The following STPG2 variants were observed in gnomAD, a reference collection of about 807,000 sequenced individuals.
STPG2 encodes sperm tail PG-rich repeat containing 2.
A neutral mutation model predicts 54.2 loss-of-function variants in STPG2; 56 were observed. The ratio of observed to expected loss-of-function variants is 1.03; its 90% confidence interval spans 0.83 to 1.29. The LOEUF (loss-of-function observed/expected upper bound fraction) is 1.29, where lower values mean the gene tolerates loss of function less well. STPG2 is among the 50% of genes most tolerant of loss of function. STPG2 has a pLI of 0.00. For synonymous variants in STPG2, 200 were observed against 181.8 expected (o/e 1.10, Z -0.81); for missense variants, 596 against 544.9 (o/e 1.09, Z -0.93).
At chr4:97,610,363 G>A (rs1394701769) in intron 10 of STPG2, among the ~76,000 whole-genome samples, 2 of 151,992 alleles carry the variant, frequency 1.3e-5, no homozygotes, top group African/African-American at 2.4e-5. Flanking sequence ...GCTTTAATGA[G>A]TAACAACAGT....
At chr4:97,805,223 T>A (rs1039251415) in intron 9 of STPG2, among the ~76,000 whole-genome samples, 3 of 152,206 alleles carry the variant, frequency 2.0e-5, no homozygotes, top group Non-Finnish European at 4.4e-5. Context: ...TTACCTTTTT[T>A]TGAGATGGAG....
chr4:97,676,950 A>G (rs912335901), intron 10 of STPG2, among the ~76,000 whole-genome samples: 3 of 152,196 alleles, frequency 2.0e-5, no homozygotes, highest in Non-Finnish European at 4.4e-5. Context: ...TCAGAGAGTA[A>G]GAAGAGGCAG....
chr4:97,518,286 A>G (rs1731115300), intron 4 of STPG2, among the ~76,000 whole-genome samples: 1 of 152,134 alleles, frequency 6.6e-6, no homozygotes, highest in Non-Finnish European at 1.5e-5. Flanking sequence ...ATGACAGTGA[A>G]TAATTAAGAA....
At chr4:97,842,979 CTCTG>C (rs1728845622) in intron 8 of STPG2, among the ~76,000 whole-genome samples, 1 of 151,814 alleles carries the variant, frequency 6.6e-6, no homozygotes, top group Admixed American at 6.6e-5. Flanking sequence ...AAATCTGAAA[CTCTG>C]TCTAATAACA....
At position 97,543,395 on chromosome 4, in the gene STPG2, A is replaced by C. The variant is rs1009550985; in HGVS notation, c.462+169304T>G. 2.2e-4 allele frequency among the ~76,000 whole-genome samples: 34 copies of C among 152,032 alleles called. 1 individual carries two copies. Among genetic ancestry groups the C allele is most frequent in the African/African-American group, 7.5e-4 (31 of 41,558 alleles). On this transcript the variant is annotated intron_variant, in intron 4 of 4. Transcript: ENST00000522676. ...ATGGAGTCAATTTTCCTACCTAAGT[A>C]GCTTCTGCTTTAGCTCTGAGAATAT...
intron 8 of STPG2, among the ~76,000 whole-genome samples, chr4:97,857,744 A>G (rs1729380524): frequency 6.6e-6 from 1 of 152,122 alleles, no homozygotes; most frequent in Non-Finnish European, 1.5e-5. Context: ...GACCTTTCAG[A>G]CAGAAAATTC....
chr4:98,093,775 A>G (rs111322117), intron 5 of STPG2, among the ~76,000 whole-genome samples: 1,778 of 152,270 alleles, frequency 0.012, 29 homozygotes, highest in African/African-American at 0.041. Context: ...GGGACTTTAC[A>G]TTGAACTTGG....
At chr4:97,622,686 C>CA (rs1395406631) in intron 10 of STPG2, among the ~76,000 whole-genome samples, 3 of 151,944 alleles carry the variant, frequency 2.0e-5, no homozygotes, top group African/African-American at 7.3e-5. Context: ...ATGGCCATAC[C>CA]ACCCAAAGGA....
chr4:98,076,550 T>C (rs1257347032), intron 5 of STPG2, among the ~76,000 whole-genome samples: 1 of 152,216 alleles, frequency 6.6e-6, no homozygotes, highest in Non-Finnish European at 1.5e-5. Context: ...ATGTTGAGAT[T>C]GGTCATGTGT....
Position 98,021,802 on chromosome 4 carries a change from G to A in STPG2, c.613-40484C>T, listed in dbSNP as rs1736210014. ...TTCTTTGTCTCTTTTGATCTTTGTTGGTTTAAAGTCTCTTTTATCAGAGAC... is the reference window on the plus strand; with the variant it reads ...TTCTTTGTCTCTTTTGATCTTTGTTAGTTTAAAGTCTCTTTTATCAGAGAC... On this transcript the variant is annotated intron_variant, in intron 5 of 10. Transcript: ENST00000295268. Among the ~76,000 whole-genome samples, 5 of 151,786 alleles carry A rather than the reference G, an allele frequency of 3.3e-5. No individual in the cohort carries two copies. The South Asian group carries it at 8.4e-4, about 25-fold the overall frequency.
intron 10 of STPG2, among the ~76,000 whole-genome samples, chr4:97,652,265 A>C (rs2148954357): frequency 6.6e-6 from 1 of 152,064 alleles, no homozygotes; most frequent in African/African-American, 2.4e-5. Context: ...CATGTCCTAC[A>C]AATACACTTT....
intron 4 of STPG2, among the ~76,000 whole-genome samples, chr4:97,495,729 C>T (rs1454770951): frequency 7.2e-6 from 1 of 138,982 alleles, no homozygotes; most frequent in East Asian, 2.1e-4. Context: ...AAAAAAAACA[C>T]AGAACTACAA....
At chr4:97,750,080 A>T (rs763784450) in intron 9 of STPG2, among the ~76,000 whole-genome samples, 5 of 151,868 alleles carry the variant, frequency 3.3e-5, no homozygotes, top group Non-Finnish European at 7.4e-5. Context: ...TATTATTATG[A>T]GTTATCAGAA....
intron 4 of STPG2, among the ~76,000 whole-genome samples, chr4:97,453,849 A>G (rs144379855): frequency 9.1e-4 from 138 of 152,320 alleles, no homozygotes; most frequent in Middle Eastern, 3.4e-3. Context: ...TGTTTCAGAC[A>G]TAGAAATCAG....
chr4:98,133,066 A>T (rs183627939), intron 2 of STPG2, among the ~76,000 whole-genome samples: 175 of 152,136 alleles, frequency 1.2e-3, no homozygotes, highest in African/African-American at 4.0e-3. Flanking sequence ...TTCCAGAAAA[A>T]ATTATAAAGA....
chr4:97,964,642 T>C (rs576410226), intron 7 of STPG2, among the ~76,000 whole-genome samples: 1 of 152,174 alleles, frequency 6.6e-6, no homozygotes, highest in African/African-American at 2.4e-5. Context: ...GTATCAGCAA[T>C]TAAGGGCAAC....
At chr4:97,510,868 T>C (rs932190591) in intron 4 of STPG2, among the ~76,000 whole-genome samples, 1 of 152,114 alleles carries the variant, frequency 6.6e-6, no homozygotes, top group Non-Finnish European at 1.5e-5. Context: ...CTCAGGAGGC[T>C]GGGGCGGGAG....
At chr4:97,846,973 T>C (rs1363068470) in intron 8 of STPG2, among the ~76,000 whole-genome samples, 1 of 152,200 alleles carries the variant, frequency 6.6e-6, no homozygotes, top group East Asian at 1.9e-4. Flanking sequence ...CTTAAATACA[T>C]AATTTTAAGT....
intron 9 of STPG2, among the ~76,000 whole-genome samples, chr4:97,812,016 T>A (rs1415118432): frequency 6.6e-6 from 1 of 152,104 alleles, no homozygotes; most frequent in African/African-American, 2.4e-5. Context: ...ACAGGCCTTT[T>A]TAGCGACTGA....
Sources: allele counts gnomAD v4.1 joint callset (sites outside exome capture counted in the v4.1 genomes callset), GRCh38; gene constraint gnomAD v4.1.1; transcripts MANE v1.5; gene names NCBI Gene and HGNC (gene_info 2026-07-23, HGNC 2026-07-21).